The following DENND1A variants were observed in gnomAD, a reference collection of about 807,000 sequenced individuals.
The protein encoded by DENND1A is DENN domain-containing protein 1A.
A neutral mutation model predicts 113.7 loss-of-function variants in DENND1A; 51 were observed. The ratio of observed to expected loss-of-function variants is 0.45; its 90% CI spans 0.36 to 0.57. DENND1A has a LOEUF of 0.57. Among genes scored for constraint, DENND1A ranks in the 20% least tolerant of loss-of-function variants. The pLI is 0.00. For synonymous variants in DENND1A, 565 were observed against 570.8 expected (o/e 0.99, Z 0.14); for missense variants, 1,258 against 1,395.9 (o/e 0.90, Z 1.57).
At chr9:123,685,920 T>C (rs191753512) in intron 5 of DENND1A, among the ~76,000 whole-genome samples, 36 of 152,108 alleles carry the variant, frequency 2.4e-4, no homozygotes, top group Admixed American at 1.8e-3. Context: ...TAATATAATG[T>C]AATGGGTTAG....
intron 5 of DENND1A, among the ~76,000 whole-genome samples, chr9:123,724,636 G>A (rs1048152260): frequency 1.3e-5 from 2 of 152,088 alleles, no homozygotes; most frequent in African/African-American, 2.4e-5. Context: ...GCATCAAAAT[G>A]TCTGGCCAGG....
chr9:123,514,069 T>C (rs1444220540), intron 13 of DENND1A, among the ~76,000 whole-genome samples: 1 of 64,178 alleles, frequency 1.6e-5, no homozygotes, highest in Non-Finnish European at 4.7e-5. Context: ...TTTTGAGGTG[T>C]GTGTGTGTGT....
chr9:123,525,722 CAAT>C (rs1046031977), intron 13 of DENND1A, among the ~76,000 whole-genome samples: 1 of 149,346 alleles, frequency 6.7e-6, no homozygotes, highest in Non-Finnish European at 1.5e-5. Flanking sequence ...CCAAAGAAAA[CAAT>C]AAACTTAGGT....
At chr9:123,512,149 C>T (rs1214032848) in intron 13 of DENND1A, among the ~76,000 whole-genome samples, 1 of 152,178 alleles carries the variant, frequency 6.6e-6, no homozygotes, top group Non-Finnish European at 1.5e-5. Context: ...GAAGTCAGTG[C>T]CAAAGAATTG....
intron 5 of DENND1A, among the ~76,000 whole-genome samples, chr9:123,681,831 A>G (rs1306536675): frequency 6.6e-6 from 1 of 152,110 alleles, no homozygotes; most frequent in Non-Finnish European, 1.5e-5. Flanking sequence ...GTTTCTAAAT[A>G]CTATTCTCCA....
intron 5 of DENND1A, among the ~76,000 whole-genome samples, chr9:123,722,862 T>C (rs1004747879): frequency 2.6e-5 from 4 of 152,156 alleles, no homozygotes; most frequent in Non-Finnish European, 5.9e-5. Flanking sequence ...GAAATGTGGG[T>C]TGGAGCTCCC....
intron 5 of DENND1A, among the ~76,000 whole-genome samples, chr9:123,679,887 C>T (rs773850500): frequency 3.9e-5 from 6 of 152,106 alleles, no homozygotes; most frequent in Admixed American, 6.5e-5. Flanking sequence ...TGCGACCATC[C>T]GTGGTCCGCC....
intron 19 of DENND1A, chr9:123,413,731 T>A (rs774344811): frequency 7.2e-4 from 706 of 985,392 alleles, no homozygotes; most frequent in Non-Finnish European, 7.9e-4. Flanking sequence ...AGCTGACAGC[T>A]ACCCGGGAGT....
At chr9:123,867,307 G>C (rs1211511944) in intron 2 of DENND1A, among the ~76,000 whole-genome samples, 1 of 151,980 alleles carries the variant, frequency 6.6e-6, no homozygotes, top group Non-Finnish European at 1.5e-5. Flanking sequence ...TGTTTTATAG[G>C]GTGAACGTTC....
chr9:123,918,555 C>T (rs1009925865), intron 1 of DENND1A, among the ~76,000 whole-genome samples: 11 of 151,360 alleles, frequency 7.3e-5, no homozygotes, highest in Admixed American at 5.9e-4. Context: ...TCAGTGAGGA[C>T]AGTAACTACA....
At chr9:123,805,208 T>C (rs1042864037) in intron 2 of DENND1A, among the ~76,000 whole-genome samples, 13 of 152,132 alleles carry the variant, frequency 8.5e-5, no homozygotes, top group African/African-American at 2.7e-4. Flanking sequence ...CCATTCCTCA[T>C]TCCATTTTCC....
At chr9:123,872,860 T>A (rs1436919189) in intron 2 of DENND1A, among the ~76,000 whole-genome samples, 1 of 152,208 alleles carries the variant, frequency 6.6e-6, no homozygotes, top group East Asian at 1.9e-4. Context: ...AATCCTCCAA[T>A]TAAAGACCCA....
chr9:123,617,388 T>C (rs1478074545), intron 10 of DENND1A, among the ~76,000 whole-genome samples: 1 of 152,174 alleles, frequency 6.6e-6, no homozygotes, highest in African/African-American at 2.4e-5. Flanking sequence ...GGTTTGCTAA[T>C]GCAAGACACG....
intron 5 of DENND1A, among the ~76,000 whole-genome samples, chr9:123,727,667 T>C (rs2141266016): frequency 6.6e-6 from 1 of 152,014 alleles, no homozygotes; most frequent in East Asian, 1.9e-4. Flanking sequence ...AAAAACTTAG[T>C]ATTTAATTAT....
intron 5 of DENND1A, among the ~76,000 whole-genome samples, chr9:123,757,437 A>G (rs1244150564): frequency 6.6e-6 from 1 of 152,212 alleles, no homozygotes; most frequent in African/African-American, 2.4e-5. Context: ...CTGAAGCCAC[A>G]CTGACTCTCT....
intron 9 of DENND1A, among the ~76,000 whole-genome samples, chr9:123,651,694 A>T (rs1589520266): frequency 6.6e-6 from 1 of 152,266 alleles, no homozygotes; most frequent in South Asian, 2.1e-4. Flanking sequence ...GGATTTAGTA[A>T]ATAATGACAC....
chr9:123,769,954 G>GT (rs752096798), intron 3 of DENND1A, among the ~76,000 whole-genome samples: 2 of 152,230 alleles, frequency 1.3e-5, no homozygotes, highest in East Asian at 3.9e-4. Flanking sequence ...TGCTGGCACC[G>GT]TTTTTGCCTG....
intron 5 of DENND1A, among the ~76,000 whole-genome samples, chr9:123,689,484 T>G (rs2065030131): frequency 6.6e-6 from 1 of 152,162 alleles, no homozygotes; most frequent in Admixed American, 6.5e-5. Flanking sequence ...ATTGTGACAA[T>G]TTTTTTGGTA....
intron 8 of DENND1A, 76 bp downstream of exon 8, chr9:123,666,950 C>T (rs1438340410): frequency 1.5e-6 from 2 of 1,331,462 alleles, no homozygotes; most frequent in African/African-American, 1.5e-5. Flanking sequence ...AAATCACATC[C>T]TTTATTTATT....
Sources: allele counts gnomAD v4.1 joint callset (sites outside exome capture counted in the v4.1 genomes callset), GRCh38; gene constraint gnomAD v4.1.1; transcripts MANE v1.5; gene names NCBI Gene and HGNC (gene_info 2026-07-23, HGNC 2026-07-21).